The following ZNF71 variants were observed in gnomAD, a reference collection of about 807,000 sequenced individuals.
The protein encoded by ZNF71 is zinc finger protein 71.
A neutral mutation model predicts 6.7 loss-of-function variants in ZNF71; 3 were observed. That is an observed-to-expected ratio of 0.45 (90% CI 0.20 to 1.16). ZNF71 has a LOEUF of 1.16. Ranked by LOEUF, ZNF71 falls within the 50% of genes most tolerant of loss-of-function variation. The pLI is 0.25. For synonymous variants in ZNF71, 343 were observed against 311.1 expected, an observed-to-expected ratio of 1.10 and a Z score of -1.08; for missense variants, 688 against 728.6, an observed-to-expected ratio of 0.94 and a Z score of 0.64.
chr19:56,622,772 G>A lies in ZNF71; in HGVS notation c.*15G>A. 2 of 1,574,562 alleles carry A rather than the reference G, an allele frequency of 1.3e-6. No individual in the cohort carries two copies. Among genetic ancestry groups the A allele is most frequent in the Non-Finnish European group, 1.7e-6 (2 of 1,158,128 alleles). ...TTCACACCTGAGCGCCTCTGTGCAG[G>A]GCTCTCACTGGCGGTGCCCAGGACG... On this transcript the variant is annotated 3_prime_UTR_variant, in exon 4 of 4. Transcript: ENST00000599599.
chr19:56,610,611 G>A (rs925764198), intron 2 of ZNF71: 2 of 152,192 alleles, frequency 1.3e-5, no homozygotes, highest in East Asian at 1.9e-4. Context: ...TTTTGCATGT[G>A]TATTAATATA....
chr19:56,603,200 A>T lies in ZNF71; in HGVS notation c.33+1609A>T, dbSNP rs2044684467. On this transcript the variant is annotated intron_variant, in intron 2 of 3. Coordinates refer to ENST00000599599, the MANE Select transcript of ZNF71 (RefSeq NM_001370215.1). The surrounding 1 kb of genome is among the most constrained non-coding windows in gnomAD (Gnocchi z 4.6). ...TCATCATCCTGAAAAAGAGCCGAGT[A>T]CCCATTGGCACTCATTTCCATTTTC... 6.6e-6 allele frequency among the ~76,000 whole-genome samples: 1 copy of T among 152,194 alleles called. No individual in the cohort carries two copies. Among genetic ancestry groups the T allele is most frequent in the African/African-American group, 2.4e-5 (1 of 41,450 alleles).
intron 1 of ZNF71, among the ~76,000 whole-genome samples, chr19:56,596,186 C>T (rs1446848935): frequency 6.6e-6 from 1 of 151,998 alleles, no homozygotes; most frequent in African/African-American, 2.4e-5. Context: ...TCCACTATGT[C>T]TGCTCTTTCC....
chr19:56,596,847 G>A (rs997982343), intron 1 of ZNF71, among the ~76,000 whole-genome samples: 8 of 152,116 alleles, frequency 5.3e-5, no homozygotes, highest in Non-Finnish European at 1.0e-4. Flanking sequence ...ACACAAGGTT[G>A]CAGGATTTTC....
chr19:56,616,377 C>T (rs918701739), intron 3 of ZNF71, among the ~76,000 whole-genome samples: 4 of 152,176 alleles, frequency 2.6e-5, no homozygotes, highest in Admixed American at 6.5e-5. Context: ...CCTGTTCTGT[C>T]CATCTGTTTG....
chr19:56,617,373 T>C (rs1005822731), intron 3 of ZNF71, among the ~76,000 whole-genome samples: 2 of 152,192 alleles, frequency 1.3e-5, no homozygotes, highest in African/African-American at 2.4e-5. Flanking sequence ...CCTCCCAATA[T>C]GCTGAGATTA....
intron 2 of ZNF71, among the ~76,000 whole-genome samples, chr19:56,608,056 G>A (rs2044722911): frequency 6.6e-6 from 1 of 151,996 alleles, no homozygotes; most frequent in South Asian, 2.1e-4. Flanking sequence ...GTGTGCCCAG[G>A]ACCAAAGCTA....
rs34027481 is a variant in ZNF71, at chr19:56,608,088, C to CT, written c.34-5715dup. On this transcript the variant is annotated intron_variant, in intron 2 of 3. Coordinates refer to ENST00000599599, the MANE Select transcript of ZNF71 (RefSeq NM_001370215.1). ...GCTATGATCTTTATAACCTTTTTGTCTTTTTTTTTCCCCCTAAATTTCTTA... is the reference window on the plus strand; with the variant it reads ...GCTATGATCTTTATAACCTTTTTGTCTTTTTTTTTTCCCCCTAAATTTCTTA... Among the ~76,000 whole-genome samples, 248 of 151,840 alleles carry CT rather than the reference C, an allele frequency of 1.6e-3. 1 individual carries two copies. Among genetic ancestry groups the CT allele is most frequent in the Non-Finnish European group, 2.8e-3 (188 of 67,952 alleles).
At chr19:56,607,720 A>AC (rs2044720618) in intron 2 of ZNF71, among the ~76,000 whole-genome samples, 1 of 151,518 alleles carries the variant, frequency 6.6e-6, no homozygotes, top group Non-Finnish European at 1.5e-5. Flanking sequence ...AAAAACACTC[A>AC]CCCCCCTGTA....
At chr19:56,604,882 A>G (rs1311219886) in intron 2 of ZNF71, among the ~76,000 whole-genome samples, 18 of 152,182 alleles carry the variant, frequency 1.2e-4, no homozygotes, top group Admixed American at 1.1e-3. Context: ...TGTCAGTAAC[A>G]ATAGCTGGCA....
intron 3 of ZNF71, among the ~76,000 whole-genome samples, chr19:56,620,898 G>C (rs780304765): frequency 5.9e-5 from 9 of 152,032 alleles, no homozygotes; most frequent in Non-Finnish European, 1.3e-4. Flanking sequence ...GATGAAGTGA[G>C]GAGGCCCTGC....
rs35048324 is a variant in ZNF71, at chr19:56,621,319, C to A, written c.212C>A (p.Ser71Ter). ...MKELDPKNDI[S>*]EDKLSVVGEA... ...GAGTTGGATCCAAAGAATGACATTT[C>A]GGAAGACAAGCTCTCCGTTGTTGGG... Residue 71 changes from serine (S) to a stop codon, truncating the protein, a stop_gained, in exon 4 of 4, where the codon TCG becomes TAG. Transcript: ENST00000599599. LOFTEE classifies it low-confidence loss of function (END_TRUNC). 2 of 1,525,856 alleles carry A rather than the reference C, an allele frequency of 1.3e-6. No homozygotes were observed. Among genetic ancestry groups the A allele is most frequent in the South Asian group, 2.6e-5 (2 of 76,082 alleles). 94.5% of individuals were successfully genotyped at this position (1,525,856 alleles called of 1,614,324 possible). A position where few individuals can be genotyped will look rare whatever the true frequency, so the allele number is the denominator to read the frequency against.
At position 56,599,356 on chromosome 19, in the gene ZNF71, C is replaced by A. The variant is rs145545789; in HGVS notation, c.-52-2151C>A. On this transcript the variant is annotated intron_variant, in intron 1 of 3. Coordinates refer to ENST00000599599, the MANE Select transcript of ZNF71 (RefSeq NM_001370215.1). ...TTTTTTTTTTGTTTTTAATTTAAAT[C>A]AACTTAGTTTAAAAGGGTATTCTGT... is the stretch of plus-strand genomic sequence containing the variant. 3.9e-3 allele frequency among the ~76,000 whole-genome samples: 588 copies of A among 151,802 alleles called. 3 individuals are homozygous for A. The highest frequency in any genetic ancestry group is 7.1e-3 in the Non-Finnish European group (485 of 67,954).
At chr19:56,604,406 G>T (rs1362702592) in intron 2 of ZNF71, among the ~76,000 whole-genome samples, 6 of 152,148 alleles carry the variant, frequency 3.9e-5, no homozygotes, top group Admixed American at 3.9e-4. Context: ...TATCATATAA[G>T]GATCTACAGT....
chr19:56,596,883 A>G (rs2044630171), intron 1 of ZNF71, among the ~76,000 whole-genome samples: 1 of 152,126 alleles, frequency 6.6e-6, no homozygotes, highest in Non-Finnish European at 1.5e-5. Flanking sequence ...GCTTGGAAAC[A>G]ATGGAAATGG....
rs978748295 is a variant in ZNF71 at position 56,603,389 on chromosome 19, A to T, written c.33+1798A>T. Among the ~76,000 whole-genome samples the T allele has an allele frequency of 6.6e-6, 1 of 152,236 alleles. No individual in the cohort carries two copies. Among genetic ancestry groups the T allele is most frequent in the Non-Finnish European group, 1.5e-5 (1 of 68,032 alleles). On this transcript the variant is annotated intron_variant, in intron 2 of 3. Transcript: ENST00000599599. This position sits in a 1 kb window ranked among gnomAD's most constrained non-coding sequence, Gnocchi z 4.6. Reference sequence around the variant, plus strand: ...TTGCAAGGTTCAACCATGTGGTAGCACATATAGAGCTTCATTCCTTTTTTT... The same window carrying T: ...TTGCAAGGTTCAACCATGTGGTAGCTCATATAGAGCTTCATTCCTTTTTTT...
At chr19:56,601,628 G>C in intron 2 of ZNF71, 37 bp downstream of exon 2, 2 of 985,394 alleles carry the variant, frequency 2.0e-6, no homozygotes, top group Non-Finnish European at 2.4e-6. Context: ...CTTTCCAAAG[G>C]CTGGATCCTG....
chr19:56,595,587 T>C (rs2044613641), intron 1 of ZNF71, among the ~76,000 whole-genome samples, 159 bp downstream of exon 1: 1 of 151,756 alleles, frequency 6.6e-6, no homozygotes, highest in Non-Finnish European at 1.5e-5. Flanking sequence ...GCTGAGGGGC[T>C]GAGGAGAGGC....
chr19:56,619,965 G>C (rs543004133), intron 3 of ZNF71, among the ~76,000 whole-genome samples: 1 of 152,174 alleles, frequency 6.6e-6, no homozygotes, highest in South Asian at 2.1e-4. Context: ...TTGAAGCTGT[G>C]GGCACAGAGG....
Sources: gnomAD v4.1 joint callset for allele counts (sites outside exome capture counted in the v4.1 genomes callset) on GRCh38, gnomAD v4.1.1 for gene constraint, Gnocchi (gnomAD v3.1) non-coding constraint, MANE v1.5 for transcripts, NCBI Gene and HGNC (gene_info 2026-07-23, HGNC 2026-07-21) for gene names.